KHDRBS2: variants seen among roughly 807,000 people sequenced by gnomAD.
KHDRBS2 encodes the protein KH RNA binding domain containing, signal transduction associated 2, also known as KH domain-containing, RNA-binding, signal transduction-associated protein 2.
Under a neutral mutation model 44.3 loss-of-function variants are expected in KHDRBS2, and 26 were observed. The ratio of observed to expected loss-of-function variants is 0.59; its 90% CI spans 0.43 to 0.81. The LOEUF is 0.81. Ranked by LOEUF, KHDRBS2 falls within the 40% of genes least tolerant of loss-of-function variation. The pLI, the probability that KHDRBS2 is intolerant of heterozygous loss-of-function variation, is 0.00. For missense variants in KHDRBS2, 476 were observed against 433.1 expected, an observed-to-expected ratio of 1.10 and a Z score of -0.88; for synonymous variants, 194 against 151.1, an observed-to-expected ratio of 1.28 and a Z score of -2.08.
intron 3 of KHDRBS2, among the ~76,000 whole-genome samples, chr6:62,015,697 A>C (rs77024413): frequency 2.6e-5 from 4 of 152,180 alleles, no homozygotes; most frequent in African/African-American, 9.7e-5. Context: ...GATGGCAAAA[A>C]CAACAGTTCC....
At chr6:61,914,427 C>T (rs1806611735) in intron 4 of KHDRBS2, among the ~76,000 whole-genome samples, 1 of 148,372 alleles carries the variant, frequency 6.7e-6, no homozygotes. Flanking sequence ...CCAAACACTG[C>T]ATGTTCTCAC....
At chr6:62,055,777 G>C (rs1336376642) in intron 2 of KHDRBS2, among the ~76,000 whole-genome samples, 1 of 151,974 alleles carries the variant, frequency 6.6e-6, no homozygotes, top group East Asian at 1.9e-4. Context: ...TCAATATCAA[G>C]AAGTTGCATC....
chr6:61,869,036 C>T (rs1207945710), intron 6 of KHDRBS2, among the ~76,000 whole-genome samples: 1 of 152,214 alleles, frequency 6.6e-6, no homozygotes, highest in East Asian at 1.9e-4. Context: ...CTTGGTTTCC[C>T]CGGGGGAGTT....
chr6:61,550,923 C>T, the KHDRBS2 span, among the ~76,000 whole-genome samples: 2 of 151,992 alleles, frequency 1.3e-5, no homozygotes, highest in Non-Finnish European at 2.9e-5. Context: ...AAGGCACATG[C>T]CACCACGCCT....
chr6:61,697,237 C>T lies in KHDRBS2; in HGVS notation c.910G>A (p.Asp304Asn), dbSNP rs1267481275. Residue 304 changes from aspartate (D) to asparagine (N), a missense_variant, in exon 8 of 9, where the codon GAC (aspartate) becomes AAC (asparagine). Physicochemically the swap from Asp to Asn is conservative, Grantham distance 23. Coordinates refer to ENST00000281156, the MANE Select transcript of KHDRBS2 (RefSeq NM_152688.4). The stretch of plus-strand genomic sequence containing the variant: ...TCCTCACTTACTCCATGACCGTAGT[C>T]ATAGTATTCAGGCACACTGCAACAA... ...TQTQSVPEYY[D>N]YGHGVSEDAY... The T allele has an allele frequency of 6.2e-7, 1 of 1,608,590 alleles. No individual in the cohort carries two copies. Among genetic ancestry groups the T allele is most frequent in the Admixed American group, 1.7e-5 (1 of 60,002 alleles).
At chr6:62,073,121 T>C (rs542537606) in intron 2 of KHDRBS2, among the ~76,000 whole-genome samples, 2 of 151,992 alleles carry the variant, frequency 1.3e-5, no homozygotes, top group African/African-American at 4.8e-5. Flanking sequence ...TTCTAATCTT[T>C]GAAAAGATTA....
chr6:62,227,399 C>T (rs1368345342), intron 1 of KHDRBS2, among the ~76,000 whole-genome samples: 1 of 152,134 alleles, frequency 6.6e-6, no homozygotes, highest in Admixed American at 6.5e-5. Flanking sequence ...GCTGAAGTTG[C>T]TTAGCAGCTT....
At chr6:61,942,488 G>A (rs1812327274) in intron 4 of KHDRBS2, among the ~76,000 whole-genome samples, 1 of 151,978 alleles carries the variant, frequency 6.6e-6, no homozygotes, top group Non-Finnish European at 1.5e-5. Context: ...GAAAATGAAT[G>A]TTAAAACTTG....
intron 2 of KHDRBS2, among the ~76,000 whole-genome samples, chr6:62,160,565 T>C (rs1177403982): frequency 6.6e-6 from 1 of 152,106 alleles, no homozygotes; most frequent in Non-Finnish European, 1.5e-5. Context: ...CCACTGGAAC[T>C]TTTTGAGGAG....
chr6:62,116,952 T>C (rs76726268), intron 2 of KHDRBS2, among the ~76,000 whole-genome samples: 8,282 of 152,268 alleles, frequency 0.054, 301 homozygotes, highest in Non-Finnish European at 0.071. Flanking sequence ...TGAATAACAA[T>C]TTATTGTGCA....
chr6:61,630,718 A>G, the KHDRBS2 span, among the ~76,000 whole-genome samples: 112 of 152,168 alleles, frequency 7.4e-4, no homozygotes, highest in African/African-American at 2.7e-3. Flanking sequence ...GCCTGGAAAC[A>G]GTGGCAAGAG....
intron 1 of KHDRBS2, among the ~76,000 whole-genome samples, chr6:62,180,450 T>G (rs955393779): frequency 6.6e-6 from 1 of 151,734 alleles, no homozygotes; most frequent in African/African-American, 2.4e-5. Context: ...TAAAATAGCA[T>G]CAGAAAGAAT....
At chr6:61,676,295 G>A (rs1489900471), downstream of KHDRBS2, among the ~76,000 whole-genome samples, 3 of 151,796 alleles carry the variant, frequency 2.0e-5, no homozygotes, top group African/African-American at 7.3e-5. Context: ...AAATGTCTCT[G>A]CTATATATAA....
chr6:61,719,529 T>A (rs1772008756), intron 7 of KHDRBS2, among the ~76,000 whole-genome samples: 1 of 152,094 alleles, frequency 6.6e-6, no homozygotes, highest in African/African-American at 2.4e-5. Context: ...AAGGTGTTAA[T>A]CCCAGGATGT....
the KHDRBS2 span, among the ~76,000 whole-genome samples, chr6:61,662,614 G>T: frequency 6.6e-6 from 1 of 152,134 alleles, no homozygotes; most frequent in African/African-American, 2.4e-5. Flanking sequence ...CTTCTCAAAA[G>T]AAGACATTTA....
intron 3 of KHDRBS2, among the ~76,000 whole-genome samples, chr6:62,045,443 C>T (rs1787468938): frequency 6.6e-6 from 1 of 151,976 alleles, no homozygotes; most frequent in African/African-American, 2.4e-5. Flanking sequence ...TCAAAATTTG[C>T]TCCCAACACC....
At chr6:62,082,054 T>C (rs1293096425) in intron 2 of KHDRBS2, among the ~76,000 whole-genome samples, 1 of 152,084 alleles carries the variant, frequency 6.6e-6, no homozygotes, top group Non-Finnish European at 1.5e-5. Context: ...AAAATAGTTG[T>C]ATGCCCAATG....
At chr6:62,035,765 A>G (rs913537236) in intron 3 of KHDRBS2, among the ~76,000 whole-genome samples, 10 of 152,026 alleles carry the variant, frequency 6.6e-5, no homozygotes, top group African/African-American at 2.2e-4. Context: ...CCCCATAAAT[A>G]TATACACCTA....
chr6:61,756,676 A>T (rs774691929), intron 6 of KHDRBS2, among the ~76,000 whole-genome samples: 19 of 152,218 alleles, frequency 1.2e-4, no homozygotes, highest in Non-Finnish European at 1.6e-4. Flanking sequence ...AAATGGTTAG[A>T]CTTGAAAACA....
Sources: gnomAD v4.1 joint callset for allele counts (sites outside exome capture counted in the v4.1 genomes callset) on GRCh38, gnomAD v4.1.1 for gene constraint, MANE v1.5 for transcripts, NCBI Gene and HGNC (gene_info 2026-07-23, HGNC 2026-07-21) for gene names.